ZNF787: variants seen among roughly 807,000 people sequenced by gnomAD.
ZNF787 encodes TTF-I-interacting peptide 20.
In ZNF787, 7 loss-of-function variants were observed where a neutral mutation model predicts 16.9. That is an observed-to-expected ratio of 0.42 (90% CI 0.24 to 0.78). The LOEUF (loss-of-function observed/expected upper bound fraction) is 0.78. Ranked by LOEUF, ZNF787 falls within the 30% of genes least tolerant of loss-of-function variation. ZNF787 has a pLI of 0.30. For synonymous variants in ZNF787, 345 were observed against 270.9 expected, an observed-to-expected ratio of 1.27 and a Z score of -2.69; for missense variants, 551 against 589.3, an observed-to-expected ratio of 0.94 and a Z score of 0.67.
rs1568518930 is a variant in ZNF787 at position 56,087,392 on chromosome 19, TC to T, written c.*630del. On this transcript the variant is annotated 3_prime_UTR_variant, in exon 3 of 3. Coordinates refer to ENST00000610935, the MANE Select transcript of ZNF787 (RefSeq NM_001002836.4). ...ACATTTGGATAGTGCCGTTTATTGT[TC>T]CAGCACCCCTTCCTCCACCACGCCC... is the stretch of plus-strand genomic sequence containing the variant. The T allele has an allele frequency of 6.6e-6, 1 of 151,974 alleles. No homozygotes were observed. The highest frequency in any genetic ancestry group is 1.5e-5 in the Non-Finnish European group (1 of 68,112). The allele number at this position is 151,974 out of a possible 1,614,324, so 9.4% of individuals were successfully genotyped here. A position where few individuals can be genotyped will look rare whatever the true frequency, so the allele number is the denominator to read the frequency against.
Position 56,088,432 on chromosome 19 carries a change from C to A in ZNF787, c.740G>T (p.Gly247Val). The A allele has an allele frequency of 1.7e-6, 2 of 1,200,900 alleles. No homozygotes were observed. The highest frequency in any genetic ancestry group is 1.0e-6 in the Non-Finnish European group (1 of 966,790). 74.4% of individuals were successfully genotyped at this position (1,200,900 alleles called of 1,614,324 possible). A position where few individuals can be genotyped will look rare whatever the true frequency, so the allele number is the denominator to read the frequency against. Residue 247 changes from glycine (G) to valine (V), a missense_variant, in exon 3 of 3, where the codon GGC becomes GTC. Physicochemically the swap from Gly to Val is moderately radical, Grantham distance 109 (BLOSUM62 -3). Transcript: ENST00000610935. The surrounding 1 kb of genome is among the most constrained non-coding windows in gnomAD (Gnocchi z 8.6). ...GGCCGCGGCCCCCTCGCCCGGCGCG[C>A]CCACCACGATGATGCCCTCGCCATC... is the stretch of plus-strand genomic sequence containing the variant. ...VGDGEGIIVV[G>V]APGEGAAAAA...
chr19:56,093,073 G>T (rs1260287977), intron 2 of ZNF787, among the ~76,000 whole-genome samples: 1 of 151,002 alleles, frequency 6.6e-6, no homozygotes, highest in Non-Finnish European at 1.5e-5. Flanking sequence ...CCATAGACAC[G>T]GGGTAGCGGA....
intron 2 of ZNF787, among the ~76,000 whole-genome samples, chr19:56,093,759 A>T (rs1215296413): frequency 6.6e-6 from 1 of 152,212 alleles, no homozygotes; most frequent in Non-Finnish European, 1.5e-5. Flanking sequence ...GTCCGAGCAT[A>T]GTCATGTTGA....
chr19:56,102,844 A>G (rs1263516671), intron 2 of ZNF787: 1 of 699,252 alleles, frequency 1.4e-6, no homozygotes, highest in East Asian at 2.7e-5. Context: ...CCCTCAACAG[A>G]CGGGGGTGCT....
chr19:56,106,090 T>C (rs1200884488), intron 1 of ZNF787, among the ~76,000 whole-genome samples: 2 of 143,264 alleles, frequency 1.4e-5, no homozygotes, highest in East Asian at 4.2e-4. Flanking sequence ...TCACCGCGCA[T>C]TCCCCCTTCC....
At chr19:56,114,991 T>C (rs1438379637) in intron 1 of ZNF787, among the ~76,000 whole-genome samples, 3 of 152,036 alleles carry the variant, frequency 2.0e-5, no homozygotes, top group Admixed American at 1.3e-4. Flanking sequence ...AAAACCTCAT[T>C]CTTGTTCCCT....
chr19:56,111,929 G>A (rs2029991733), intron 1 of ZNF787, among the ~76,000 whole-genome samples: 2 of 152,194 alleles, frequency 1.3e-5, no homozygotes, highest in Admixed American at 6.5e-5. Flanking sequence ...TGTGGGGACT[G>A]AGTGGAGGCT....
chr19:56,100,825 C>T (rs1379640687), intron 2 of ZNF787, among the ~76,000 whole-genome samples: 1 of 148,068 alleles, frequency 6.8e-6, no homozygotes, highest in African/African-American at 2.5e-5. Flanking sequence ...CCAACCCCCG[C>T]CACTCCACCC....
chr19:56,092,489 G>A (rs1440348043), intron 2 of ZNF787, among the ~76,000 whole-genome samples: 2 of 151,294 alleles, frequency 1.3e-5, no homozygotes, highest in African/African-American at 4.9e-5. Flanking sequence ...TCCCCTCCAC[G>A]GGAGATAAAT....
intron 2 of ZNF787, among the ~76,000 whole-genome samples, chr19:56,098,614 G>A (rs954561285): frequency 7.1e-6 from 1 of 140,590 alleles, no homozygotes; most frequent in African/African-American, 2.9e-5. Flanking sequence ...GATGCCGCCC[G>A]GGTGATTACG....
chr19:56,088,623 G>T lies in ZNF787; in HGVS notation c.549C>A (p.Cys183Ter). ...TCTTGGGCTGGCTGAAGCCGCGGCCGCAGCGCGGGCACACGAAGGGCTTGA... is the reference window on the plus strand; with the variant it reads ...TCTTGGGCTGGCTGAAGCCGCGGCCTCAGCGCGGGCACACGAAGGGCTTGA... Reference protein sequence around the residue: ...SGLKPFVCPRCGRGFSQPKSL... With the variant: ...SGLKPFVCPR The change falls in exon 3 of 3, where the codon TGC (cysteine) becomes TGA (stop). Residue 183 changes from cysteine (C) to a stop codon, truncating the protein, a stop_gained. Transcript: ENST00000610935. LOFTEE classifies it high-confidence loss of function. This position sits in a 1 kb window ranked among gnomAD's most constrained non-coding sequence, Gnocchi z 8.6. 1 of 1,524,066 alleles carries T rather than the reference G, an allele frequency of 6.6e-7. No homozygotes were observed. The allele number at this position is 1,524,066 out of a possible 1,614,324, so 94.4% of individuals were successfully genotyped here.
chr19:56,093,139 A>G (rs746358230), intron 2 of ZNF787, among the ~76,000 whole-genome samples: 34 of 145,872 alleles, frequency 2.3e-4, no homozygotes, highest in Admixed American at 1.5e-3. Flanking sequence ...CCATAGACAC[A>G]GGGGATGGCG....
At chr19:56,118,469 A>G (rs528987216) in intron 1 of ZNF787, among the ~76,000 whole-genome samples, 10 of 152,322 alleles carry the variant, frequency 6.6e-5, no homozygotes, top group South Asian at 4.1e-4. Flanking sequence ...TGTGATGGTC[A>G]AGGGTCTGGG....
chr19:56,088,883 C>T lies in ZNF787; in HGVS notation c.289G>A (p.Ala97Thr), dbSNP rs762821507. Reference protein sequence around the residue: ...THTGERPNACADCGKTFSQSS... With the variant: ...THTGERPNACTDCGKTFSQSS... ...TGCGAGAAGGTCTTGCCGCAGTCGG[C>T]GCAGGCGTTGGGCCGCTCGCCGGTG... Residue 97 changes from alanine to threonine, a missense_variant, in exon 3 of 3, where the codon GCC (alanine) becomes ACC (threonine). Physicochemically the swap from Ala to Thr is moderately conservative, Grantham distance 58. Transcript: ENST00000610935. This position sits in a 1 kb window ranked among gnomAD's most constrained non-coding sequence, Gnocchi z 8.6. 6.2e-6 allele frequency: 10 copies of T among 1,606,060 alleles called. No individual in the cohort carries two copies. The highest frequency in any genetic ancestry group is 4.0e-5 in the African/African-American group (3 of 74,460).
chr19:56,096,965 C>T (rs1176904389), intron 2 of ZNF787, among the ~76,000 whole-genome samples: 1 of 152,086 alleles, frequency 6.6e-6, no homozygotes, highest in Non-Finnish European at 1.5e-5. Context: ...ATCGGGAACT[C>T]CATCTGGGGT....
At chr19:56,117,765 G>A (rs2030180307) in intron 1 of ZNF787, among the ~76,000 whole-genome samples, 1 of 152,250 alleles carries the variant, frequency 6.6e-6, no homozygotes, top group South Asian at 2.1e-4. Flanking sequence ...AGCAGACTGT[G>A]CACTTGAGGG....
Position 56,111,136 on chromosome 19 carries a change from A to G in ZNF787, c.-10-7909T>C, listed in dbSNP as rs1281927506. 2.6e-5 allele frequency among the ~76,000 whole-genome samples: 4 copies of G among 152,186 alleles called. No individual in the cohort carries two copies. In the East Asian group the frequency reaches 7.7e-4, roughly 29 times the overall value. On this transcript the variant is annotated intron_variant, in intron 1 of 2. Coordinates refer to ENST00000610935, the MANE Select transcript of ZNF787 (RefSeq NM_001002836.4). ...GTTTACTATGTGGCCCACTGCAGAG[A>G]GTCTGCTGACCCTGATGTAAATAAA...
intron 2 of ZNF787, among the ~76,000 whole-genome samples, chr19:56,092,016 A>AAGCCGAAGCCGAAGCCGAAG (rs1985611148): frequency 4.1e-5 from 6 of 144,918 alleles, no homozygotes; most frequent in African/African-American, 1.4e-4. Context: ...CAAAGCCGAA[A>AAGCCGAAGCCGAAGCCGAAG]CCGAAGCCGA....
chr19:56,087,706 A>C lies in ZNF787; in HGVS notation c.*317T>G, dbSNP rs1182077316. 9.7e-6 allele frequency: 2 copies of C among 206,796 alleles called. No individual in the cohort carries two copies. The highest frequency in any genetic ancestry group is 1.9e-5 in the Non-Finnish European group (2 of 106,214). The allele number at this position is 206,796 out of a possible 1,614,324, so 12.8% of individuals were successfully genotyped here. ...CGGACAACTGAGGAAGAGCAGGGAA[A>C]ATGGCCTTCCGCTTGGGGCCTGGTC... On this transcript the variant is annotated 3_prime_UTR_variant, in exon 3 of 3. Transcript: ENST00000610935.
Sources: gnomAD v4.1 joint callset for allele counts (sites outside exome capture counted in the v4.1 genomes callset) on GRCh38, gnomAD v4.1.1 for gene constraint, Gnocchi (gnomAD v3.1) non-coding constraint, MANE v1.5 for transcripts, NCBI Gene and HGNC (gene_info 2026-07-23, HGNC 2026-07-21) for gene names.